TAF6: variants seen among roughly 807,000 people sequenced by gnomAD.
The protein encoded by TAF6 is transcription initiation factor TFIID subunit 6.
Under a neutral mutation model 73.5 loss-of-function variants are expected in TAF6, and 50 were observed. The observed-to-expected ratio is 0.68, with a 90% confidence interval of 0.54 to 0.86. The LOEUF is 0.86. TAF6 is among the 40% of genes least tolerant of loss of function. The pLI, the probability that TAF6 is intolerant of heterozygous loss-of-function variation, is 0.00. For missense variants in TAF6, 768 were observed against 899.5 expected (o/e 0.85, Z 1.87); for synonymous variants, 424 against 376.7 (o/e 1.13, Z -1.45).
At chr7:100,112,062 C>G (rs1412779170) in intron 7 of TAF6, 46 bp downstream of exon 7, 1 of 1,613,684 alleles carries the variant, frequency 6.2e-7, no homozygotes, top group Non-Finnish European at 8.5e-7. Context: ...ATAGGGCCCC[C>G]AGGAGGAGGC....
Position 100,107,127 on chromosome 7 carries a change from G to T in TAF6, c.*119C>A. 1 of 1,411,808 alleles carries T rather than the reference G, an allele frequency of 7.1e-7. No individual in the cohort carries two copies. The highest frequency in any genetic ancestry group is 9.4e-7 in the Non-Finnish European group (1 of 1,061,358). The allele number at this position is 1,411,808 out of a possible 1,614,324, so 87.5% of individuals were successfully genotyped here. ...AAACTGGCTGTACAATATCTAAAAA[G>T]AAAGTGACATGAAGGAAGCAATCTA... On this transcript the variant is annotated 3_prime_UTR_variant, in exon 15 of 15. Coordinates refer to ENST00000453269, the MANE Select transcript of TAF6 (RefSeq NM_139315.3).
At chr7:100,121,803 T>C (rs374922162), upstream of TAF6, among the ~76,000 whole-genome samples, 168 of 150,026 alleles carry the variant, frequency 1.1e-3, no homozygotes, top group Middle Eastern at 3.4e-3. Flanking sequence ...GTAATCCCAG[T>C]ACTTTGGGAG....
chr7:100,114,196 T>C lies in TAF6; in HGVS notation c.14A>G (p.Lys5Arg). The change falls in exon 2 of 15, where the codon AAG becomes AGG. Residue 5 changes from lysine (K) to arginine (R), a missense_variant. By Grantham distance (26) the Lys-to-Arg change is conservative (BLOSUM62 2). Transcript: ENST00000453269. ...CACAGTGTTGCTAAGCTTCAGCTTC[T>C]TCTCCTCAGCCATTCTGGAGTCCCT... MAEE[K>R]KLKLSNTVLP... 4 of 1,614,202 alleles carry C rather than the reference T, an allele frequency of 2.5e-6. No individual in the cohort carries two copies. Among genetic ancestry groups the C allele is most frequent in the Non-Finnish European group, 3.4e-6 (4 of 1,180,036 alleles).
chr7:100,109,614 G>A (rs553191221), intron 12 of TAF6, among the ~76,000 whole-genome samples: 54 of 146,764 alleles, frequency 3.7e-4, no homozygotes, highest in African/African-American at 1.2e-3. Context: ...CTCCCACCTC[G>A]GCCTCCCTAG....
Position 100,107,595 on chromosome 7 carries a change from C to T in TAF6, c.1685G>A (p.Gly562Asp). The part of the protein sequence containing the change: ...QVLSLSTSAP[G>D]SGSTTTSPVT... ...GGGCGAAGTGGTGGTGGAACCTGAG[C>T]CGGGGGCCGAGGTGCTGAGGGACAG... Residue 562 changes from glycine (G) to aspartate (D), a missense_variant, in exon 15 of 15, where the codon GGC becomes GAC. Gly to Asp is a moderately conservative substitution (Grantham distance 94). Around this residue, in one of 5 missense-constraint regions of TAF6, gnomAD observed 350 missense variants for 352.3 expected, o/e 0.99. Transcript: ENST00000453269. The T allele has an allele frequency of 1.2e-6, 2 of 1,613,330 alleles. No homozygotes were observed. The highest frequency in any genetic ancestry group is 1.7e-4 in the Middle Eastern group (1 of 5,846).
At chr7:100,121,112 A>ATTTTTTTTTTTTTTTT (rs1798040006), upstream of TAF6, 1 of 30,710 alleles carries the variant, frequency 3.3e-5, no homozygotes, top group Non-Finnish European at 5.8e-5. Flanking sequence ...ATATATATAT[A>ATTTTTTTTTTTTTTTT]TATATTTTTT....
At chr7:100,120,553 CCCT>C, upstream of TAF6, among the ~76,000 whole-genome samples, 1 of 152,278 alleles carries the variant, frequency 6.6e-6, no homozygotes, top group Middle Eastern at 3.4e-3. Context: ...TCGCTTCACC[CCCT>C]CAACTGTATT....
At chr7:100,122,321 G>C, upstream of TAF6, 1 of 1,614,180 alleles carries the variant, frequency 6.2e-7, no homozygotes, top group Non-Finnish European at 8.5e-7. Context: ...ATCTCGAGAG[G>C]TGCTGGAGCT....
At chr7:100,109,840 C>T in intron 12 of TAF6, 108 bp downstream of exon 12, 1 of 1,519,666 alleles carries the variant, frequency 6.6e-7, no homozygotes, top group African/African-American at 1.4e-5. Context: ...GCAATGTCCT[C>T]TGAAAACATG....
rs1446207435 is a variant in TAF6 at position 100,112,865 on chromosome 7, C to T, written c.507G>A (p.Lys169=). The T allele has an allele frequency of 3.7e-6, 6 of 1,613,854 alleles. No individual in the cohort carries two copies. Among genetic ancestry groups the T allele is most frequent in the Non-Finnish European group, 4.2e-6 (5 of 1,179,880 alleles). Residue 169 remains lysine, a synonymous_variant, in exon 6 of 15, where the codon AAG becomes AAA. Transcript: ENST00000453269. ...AEATEPLKSA[K]PGQEEDGPLK... is the part of the protein sequence containing the mutation. ...GGGGTCCGTCTTCCTCCTGGCCTGG[C>T]TTGGCTGACTTCAGGGGTTCTGTGG...
intron 14 of TAF6, 145 bp downstream of exon 14, chr7:100,107,781 A>G (rs185881593): frequency 4.7e-4 from 639 of 1,366,604 alleles, no homozygotes; most frequent in East Asian, 3.3e-3. Flanking sequence ...CAGGGCAGCT[A>G]CAGCCCTGCA....
At position 100,112,253 on chromosome 7, in the gene TAF6, CCT is replaced by C; in HGVS notation, c.575-2_575-1del. The C allele has an allele frequency of 1.9e-6, 3 of 1,611,230 alleles. No homozygotes were observed. Among genetic ancestry groups the C allele is most frequent in the Non-Finnish European group, 2.5e-6 (3 of 1,178,862 alleles). On this transcript the variant is annotated splice_acceptor_variant, in intron 6 of 14. Transcript: ENST00000453269. LOFTEE classifies it high-confidence loss of function. Reference sequence around the variant, plus strand: ...CAAGGGCGGCGCCTTCTTCTCTTTCCCTGTGTGATTGGAAAGGTGGGTCTGAC... The same window carrying C: ...CAAGGGCGGCGCCTTCTTCTCTTTCCGTGTGATTGGAAAGGTGGGTCTGAC...
At chr7:100,110,989 AAAAAAAG>A in intron 10 of TAF6, 143 bp downstream of exon 10, 1 of 903,804 alleles carries the variant, frequency 1.1e-6, no homozygotes. Context: ...CAAAAAAAAA[AAAAAAAG>A]GTATTACAGA....
rs369490884 is a variant in TAF6, at chr7:100,107,557, C to T, written c.1723G>A (p.Val575Ile). The change falls in exon 15 of 15, where the codon GTC becomes ATC. Residue 575 changes from valine to isoleucine, a missense_variant. Val to Ile is a conservative substitution (Grantham distance 29, BLOSUM62 3). Around this residue, in one of 5 missense-constraint regions of TAF6, gnomAD observed 350 missense variants for 352.3 expected, o/e 0.99. Transcript: ENST00000453269. ...TTGACGATGGGCTGCACGCTGGGGA[C>T]GGTGGTGGTGACGGGCGAAGTGGTG... ...STTTSPVTTT[V>I]PSVQPIVKLV... is the part of the protein sequence containing the mutation. 45 of 1,613,674 alleles carry T rather than the reference C, an allele frequency of 2.8e-5. No individual in the cohort carries two copies. Among genetic ancestry groups the T allele is most frequent in the African/African-American group, 6.7e-5 (5 of 74,830 alleles).
the TAF6 span, among the ~76,000 whole-genome samples, chr7:100,125,913 G>A: frequency 6.6e-6 from 1 of 152,206 alleles, no homozygotes; most frequent in African/African-American, 2.4e-5. Flanking sequence ...GCGGCTGGGC[G>A]CGGTGACTCA....
rs1186395801 is a variant in TAF6, at chr7:100,108,559, G to C, written c.1285-19C>G. Reference sequence around the variant, plus strand: ...AGTGTTTCTGCAGAACAGAAAAAAAGCCAGGTAGAGGGAGGGCTGGGGAAA... The same window carrying C: ...AGTGTTTCTGCAGAACAGAAAAAAACCCAGGTAGAGGGAGGGCTGGGGAAA... On this transcript the variant is annotated intron_variant, in intron 12 of 14. Coordinates refer to ENST00000453269, the MANE Select transcript of TAF6 (RefSeq NM_139315.3). 1.3e-6 allele frequency: 2 copies of C among 1,580,454 alleles called. No homozygotes were observed. The highest frequency in any genetic ancestry group is 1.7e-6 in the Non-Finnish European group (2 of 1,158,038).
chr7:100,121,651 G>C (rs1798070811), upstream of TAF6, among the ~76,000 whole-genome samples: 1 of 151,112 alleles, frequency 6.6e-6, no homozygotes, highest in Non-Finnish European at 1.5e-5. Context: ...CACCATGTGG[G>C]CCAGGCTGGT....
chr7:100,119,495 C>T (rs1298212834), upstream of TAF6: 14 of 1,344,182 alleles, frequency 1.0e-5, no homozygotes, highest in Middle Eastern at 2.7e-4. Context: ...AGGAGCACTC[C>T]CTCTTGGTGT....
upstream of TAF6, chr7:100,124,498 CCTT>C: frequency 6.3e-7 from 1 of 1,581,068 alleles, no homozygotes. Context: ...CTCTTCTGGC[CCTT>C]CTACTTGACC....
Sources: gnomAD v4.1 joint callset for allele counts (sites outside exome capture counted in the v4.1 genomes callset) on GRCh38, gnomAD v4.1.1 for gene constraint, gnomAD v4.1.1 regional missense constraint, MANE v1.5 for transcripts, NCBI Gene and HGNC (gene_info 2026-07-23, HGNC 2026-07-21) for gene names.